Variants in DTD1 observed in about 807,000 individuals in gnomAD.
The protein encoded by DTD1 is D-aminoacyl-tRNA deacylase 1.
A neutral mutation model predicts 25.6 loss-of-function variants in DTD1; 13 were observed. The ratio of observed to expected loss-of-function variants is 0.51; its 90% CI spans 0.33 to 0.81. The LOEUF is 0.81. DTD1 is among the 30% of genes least tolerant of loss of function. DTD1 has a pLI of 0.02. For synonymous variants in DTD1, 110 were observed against 103.6 expected (o/e 1.06, Z -0.37); for missense variants, 193 against 266.4 (o/e 0.72, Z 1.92).
At chr20:18,608,791 T>G (rs1031744722) in intron 3 of DTD1, among the ~76,000 whole-genome samples, 1 of 152,218 alleles carries the variant, frequency 6.6e-6, no homozygotes, top group Non-Finnish European at 1.5e-5. Context: ...CTAGTTCGAC[T>G]AATCAAGACT....
At chr20:18,661,175 C>T (rs2060908304) in intron 4 of DTD1, among the ~76,000 whole-genome samples, 1 of 152,142 alleles carries the variant, frequency 6.6e-6, no homozygotes, top group East Asian at 1.9e-4. Context: ...ATGTTGGGTA[C>T]AGTATTTCCT....
intron 4 of DTD1, among the ~76,000 whole-genome samples, chr20:18,720,699 C>A (rs6081324): frequency 6.6e-6 from 1 of 151,744 alleles, no homozygotes; most frequent in Non-Finnish European, 1.5e-5. Flanking sequence ...ACAAAAAAAA[C>A]ATACAAAAAT....
At chr20:18,697,487 A>AT (rs1404098995) in intron 4 of DTD1, among the ~76,000 whole-genome samples, 2 of 152,112 alleles carry the variant, frequency 1.3e-5, no homozygotes, top group Non-Finnish European at 2.9e-5. Flanking sequence ...AGTGTTTTGG[A>AT]TTTTTTAAGA....
At chr20:18,711,324 G>A (rs1452275205) in intron 4 of DTD1, among the ~76,000 whole-genome samples, 1 of 152,090 alleles carries the variant, frequency 6.6e-6, no homozygotes, top group Non-Finnish European at 1.5e-5. Context: ...TGGCCTCCGG[G>A]ACTCTCAACC....
At chr20:18,649,649 G>A (rs2060865905) in intron 4 of DTD1, among the ~76,000 whole-genome samples, 1 of 152,136 alleles carries the variant, frequency 6.6e-6, no homozygotes, top group African/African-American at 2.4e-5. Flanking sequence ...TTCAAGGCAA[G>A]TTCTGGTTCA....
rs367627565 is a variant in DTD1, at chr20:18,664,742, C to T, written c.477+36509C>T. Among the ~76,000 whole-genome samples the T allele has an allele frequency of 2.7e-4, 41 of 151,956 alleles. No individual in the cohort carries two copies. The East Asian group carries it at 3.9e-3, about 14-fold the overall frequency. On this transcript the variant is annotated intron_variant, in intron 4 of 5. Coordinates refer to ENST00000377452, the MANE Select transcript of DTD1 (RefSeq NM_080820.6). The stretch of plus-strand genomic sequence containing the variant: ...ATGGCCAGTTTGCTTTTTTAATCTA[C>T]GGTTCTGGCAGAAGTGTGGGGTGTG...
At chr20:18,613,981 G>A (rs1568645976) in intron 3 of DTD1, among the ~76,000 whole-genome samples, 2 of 152,206 alleles carry the variant, frequency 1.3e-5, no homozygotes, top group South Asian at 2.1e-4. Context: ...TACATAAAGT[G>A]TAAAAGATTG....
chr20:18,619,623 CTG>C (rs2060724876), intron 3 of DTD1, among the ~76,000 whole-genome samples: 2 of 152,142 alleles, frequency 1.3e-5, no homozygotes, highest in South Asian at 4.1e-4. Context: ...CAGGGTTTCA[CTG>C]TGTTGCCCAG....
At chr20:18,646,399 AC>A (rs1466726215) in intron 4 of DTD1, among the ~76,000 whole-genome samples, 1 of 151,980 alleles carries the variant, frequency 6.6e-6, no homozygotes, top group Admixed American at 6.6e-5. Context: ...TCTACCATTC[AC>A]CCCATCTGTC....
intron 4 of DTD1, among the ~76,000 whole-genome samples, chr20:18,730,681 C>T (rs1225969332): frequency 6.6e-6 from 1 of 152,186 alleles, no homozygotes; most frequent in Non-Finnish European, 1.5e-5. Flanking sequence ...TATATTTTCT[C>T]ATTCAAGAAT....
chr20:18,648,840 C>CA (rs1173506851), intron 4 of DTD1, among the ~76,000 whole-genome samples: 1 of 151,320 alleles, frequency 6.6e-6, no homozygotes, highest in Non-Finnish European at 1.5e-5. Context: ...ACTAAAAATA[C>CA]AAAAAATTAG....
chr20:18,737,414 A>G (rs2061260349), intron 4 of DTD1, among the ~76,000 whole-genome samples: 1 of 151,984 alleles, frequency 6.6e-6, no homozygotes, highest in African/African-American at 2.4e-5. Context: ...ACCCCCCCAT[A>G]CTTTGGCCAC....
chr20:18,708,835 C>A (rs2061146787), intron 4 of DTD1, among the ~76,000 whole-genome samples: 1 of 152,116 alleles, frequency 6.6e-6, no homozygotes, highest in South Asian at 2.1e-4. Context: ...CCCACCTGCC[C>A]CCGTGGTGGC....
intron 4 of DTD1, among the ~76,000 whole-genome samples, chr20:18,707,066 C>G (rs2061129571): frequency 6.6e-6 from 1 of 152,322 alleles, no homozygotes; most frequent in East Asian, 1.9e-4. Flanking sequence ...CCAAATGTCT[C>G]TCACTGTTCC....
Position 18,763,950 on chromosome 20 carries a change from A to G in DTD1, c.*610A>G, listed in dbSNP as rs913316997. 1 of 152,242 alleles carries G rather than the reference A, an allele frequency of 6.6e-6. No individual in the cohort carries two copies. Among genetic ancestry groups the G allele is most frequent in the Non-Finnish European group, 1.5e-5 (1 of 68,046 alleles). 9.4% of individuals were successfully genotyped at this position (152,242 alleles called of 1,614,324 possible). A position where few individuals can be genotyped will look rare whatever the true frequency, so the allele number is the denominator to read the frequency against. ...CTGTTTCTGCATAACGATGATGTCC[A>G]TAGAAATGCAATGCGTCTGACCTCT... is the stretch of plus-strand genomic sequence containing the variant. On this transcript the variant is annotated 3_prime_UTR_variant, in exon 6 of 6. Transcript: ENST00000377452.
At chr20:18,666,381 G>C (rs1363837471) in intron 4 of DTD1, among the ~76,000 whole-genome samples, 1 of 152,172 alleles carries the variant, frequency 6.6e-6, no homozygotes, top group African/African-American at 2.4e-5. Context: ...TCTGTTCTTT[G>C]AGAGTGAGTC....
chr20:18,620,915 T>C (rs2122296495), intron 3 of DTD1, among the ~76,000 whole-genome samples: 1 of 152,344 alleles, frequency 6.6e-6, no homozygotes, highest in African/African-American at 2.4e-5. Context: ...TATTTTGAAA[T>C]AATTTAGGCT....
chr20:18,667,830 A>C (rs1461884971), intron 4 of DTD1, among the ~76,000 whole-genome samples: 2 of 152,070 alleles, frequency 1.3e-5, no homozygotes, highest in Non-Finnish European at 2.9e-5. Context: ...GGGCCAGGTC[A>C]TTTCTCTTCT....
intron 4 of DTD1, among the ~76,000 whole-genome samples, chr20:18,703,049 C>T (rs1378112521): frequency 6.6e-6 from 1 of 152,154 alleles, no homozygotes; most frequent in African/African-American, 2.4e-5. Context: ...TTTATTTGTG[C>T]TGAAGTCTAT....
Sources: gnomAD v4.1 joint callset for allele counts (sites outside exome capture counted in the v4.1 genomes callset) on GRCh38, gnomAD v4.1.1 for gene constraint, MANE v1.5 for transcripts, NCBI Gene and HGNC (gene_info 2026-07-23, HGNC 2026-07-21) for gene names.